The following LUZP2 variants were observed in gnomAD, a reference collection of about 807,000 sequenced individuals.
LUZP2 encodes leucine zipper protein 2.
Under a neutral mutation model 51.6 loss-of-function variants are expected in LUZP2, and 52 were observed. The observed-to-expected ratio is 1.01, with a 90% CI of 0.81 to 1.27. The LOEUF is 1.27. Ranked by LOEUF, LUZP2 falls within the 50% of genes most tolerant of loss-of-function variation. The probability of loss-of-function intolerance (pLI) is 0.00; values close to 1 mark genes in which losing one functional copy is unlikely to be tolerated. For missense variants in LUZP2, 436 were observed against 395.4 expected (o/e 1.10, Z -0.87); for synonymous variants, 154 against 137.3 (o/e 1.12, Z -0.85).
At chr11:24,935,353 A>G (rs1334994676) in intron 7 of LUZP2, among the ~76,000 whole-genome samples, 1 of 152,190 alleles carries the variant, frequency 6.6e-6, no homozygotes, top group Non-Finnish European at 1.5e-5. Context: ...TGCCTGGGCT[A>G]CTGGTATTTC....
intron 5 of LUZP2, among the ~76,000 whole-genome samples, chr11:24,854,667 GAAA>G (rs34378292): frequency 3.1e-3 from 418 of 135,626 alleles, no homozygotes; most frequent in Middle Eastern, 7.9e-3. Context: ...ACTGGGATAT[GAAA>G]AAAAAAAAAA....
chr11:24,697,764 C>G (rs1857291822), intron 1 of LUZP2, among the ~76,000 whole-genome samples: 1 of 152,142 alleles, frequency 6.6e-6, no homozygotes, highest in Admixed American at 6.6e-5. Flanking sequence ...AGTCATGTAG[C>G]TGGATATCAT....
chr11:24,832,619 G>A (rs1850734454), intron 5 of LUZP2, among the ~76,000 whole-genome samples: 1 of 151,322 alleles, frequency 6.6e-6, no homozygotes, highest in Non-Finnish European at 1.5e-5. Context: ...AGTATCCTTA[G>A]TAACTAAAGT....
chr11:25,025,091 A>G (rs1277547466), intron 9 of LUZP2, among the ~76,000 whole-genome samples: 1 of 152,234 alleles, frequency 6.6e-6, no homozygotes, highest in African/African-American at 2.4e-5. Context: ...TTGCCTAGCC[A>G]TATGTAGAAA....
intron 9 of LUZP2, among the ~76,000 whole-genome samples, chr11:25,046,787 T>G (rs557365458): frequency 4.6e-5 from 7 of 152,146 alleles, no homozygotes; most frequent in Non-Finnish European, 7.4e-5. Context: ...TTTAAAATCT[T>G]ATAATTTTTT....
intron 5 of LUZP2, among the ~76,000 whole-genome samples, chr11:24,904,662 C>T (rs1186213389): frequency 6.7e-6 from 1 of 149,306 alleles, no homozygotes; most frequent in Non-Finnish European, 1.5e-5. Flanking sequence ...AGATAGTAAC[C>T]TTTGTCAGCT....
rs138034777 is a variant in LUZP2, at chr11:24,707,784, A to G, written c.63-21385A>G. ...ATATAAAGTTTCGGTACCGCAAAAG[A>G]AATAGCACTCGAATATAAAATTTTC... On this transcript the variant is annotated intron_variant, in intron 1 of 11. Coordinates refer to ENST00000336930, the MANE Select transcript of LUZP2 (RefSeq NM_001009909.4). 6.3e-3 allele frequency among the ~76,000 whole-genome samples: 955 copies of G among 152,336 alleles called. 14 individuals carry two copies. Among genetic ancestry groups the G allele is most frequent in the African/African-American group, 0.022 (930 of 41,584 alleles).
chr11:24,998,104 C>T (rs1008892388), intron 9 of LUZP2, among the ~76,000 whole-genome samples: 4 of 152,072 alleles, frequency 2.6e-5, no homozygotes, highest in Non-Finnish European at 5.9e-5. Context: ...GCGATGCGGG[C>T]TCTGTTTCGG....
chr11:24,879,875 A>T (rs1400236731), intron 5 of LUZP2, among the ~76,000 whole-genome samples: 1 of 141,318 alleles, frequency 7.1e-6, no homozygotes, highest in Non-Finnish European at 1.6e-5. Context: ...CCTCATACAG[A>T]AGGAAGGGTC....
At chr11:24,775,466 C>T (rs1230915382) in intron 5 of LUZP2, among the ~76,000 whole-genome samples, 1 of 152,106 alleles carries the variant, frequency 6.6e-6, no homozygotes, top group Non-Finnish European at 1.5e-5. Flanking sequence ...TATAAAGAAA[C>T]ATAAATCTGA....
chr11:25,041,767 T>C (rs1447732854), intron 9 of LUZP2, among the ~76,000 whole-genome samples: 1 of 152,168 alleles, frequency 6.6e-6, no homozygotes, highest in African/African-American at 2.4e-5. Context: ...TCCCCAGCCA[T>C]GGACCAGTAC....
At chr11:24,601,886 A>ATG (rs1325989754) in intron 1 of LUZP2, among the ~76,000 whole-genome samples, 12 of 29,444 alleles carry the variant, frequency 4.1e-4, no homozygotes, top group Non-Finnish European at 3.0e-4. Flanking sequence ...ACATGTATAT[A>ATG]TGTATATATG....
intron 7 of LUZP2, among the ~76,000 whole-genome samples, chr11:24,958,815 T>G (rs1298032862): frequency 3.3e-5 from 5 of 152,224 alleles, no homozygotes; most frequent in African/African-American, 1.2e-4. Context: ...GTTTTAGACA[T>G]GAAGTCCTTG....
chr11:24,830,908 G>C (rs1411790384), intron 5 of LUZP2, among the ~76,000 whole-genome samples: 1 of 152,006 alleles, frequency 6.6e-6, no homozygotes, highest in Non-Finnish European at 1.5e-5. Context: ...GCAGGAGAAT[G>C]GCGTGAACCC....
chr11:24,518,668 T>G (rs2133794651), intron 1 of LUZP2, among the ~76,000 whole-genome samples: 1 of 152,328 alleles, frequency 6.6e-6, no homozygotes, highest in South Asian at 2.1e-4. Context: ...CTTTTCACTG[T>G]TTGTGCCTAG....
At chr11:24,746,148 C>T (rs1032664085) in intron 4 of LUZP2, among the ~76,000 whole-genome samples, 2 of 151,920 alleles carry the variant, frequency 1.3e-5, no homozygotes, top group South Asian at 2.1e-4. Context: ...TTTTATAGGT[C>T]CTGTGTGATT....
chr11:24,576,906 A>G (rs940786458), intron 1 of LUZP2, among the ~76,000 whole-genome samples: 18 of 152,220 alleles, frequency 1.2e-4, no homozygotes, highest in African/African-American at 4.3e-4. Context: ...CTACTTATAA[A>G]TATAATTGAA....
At chr11:25,016,300 T>C (rs926871646) in intron 9 of LUZP2, among the ~76,000 whole-genome samples, 2 of 152,034 alleles carry the variant, frequency 1.3e-5, no homozygotes, top group African/African-American at 4.8e-5. Context: ...CCCTCACCCT[T>C]CTTCCAACCT....
At chr11:24,547,847 G>A (rs990639710) in intron 1 of LUZP2, among the ~76,000 whole-genome samples, 1 of 151,162 alleles carries the variant, frequency 6.6e-6, no homozygotes, top group Non-Finnish European at 1.5e-5. Context: ...AGAATCAAAA[G>A]TAACTTAAAT....
Sources: gnomAD v4.1 joint callset for allele counts (sites outside exome capture counted in the v4.1 genomes callset) on GRCh38, gnomAD v4.1.1 for gene constraint, MANE v1.5 for transcripts, NCBI Gene and HGNC (gene_info 2026-07-23, HGNC 2026-07-21) for gene names.